The following SOBP variants were observed in gnomAD, a reference collection of about 807,000 sequenced individuals.
SOBP encodes the protein sine oculis-binding protein homolog.
A neutral mutation model predicts 53.6 loss-of-function variants in SOBP; 4 were observed. The observed-to-expected ratio is 0.07, with a 90% CI of 0.04 to 0.17. SOBP has a LOEUF of 0.17. SOBP is among the 10% of genes least tolerant of loss of function. The pLI is 1.00. For missense variants in SOBP, 1,088 were observed against 1,204.7 expected (o/e 0.90, Z 1.43); for synonymous variants, 584 against 522.6 (o/e 1.12, Z -1.60).
intron 4 of SOBP, among the ~76,000 whole-genome samples, chr6:107,576,848 C>T (rs1785239889): frequency 6.6e-6 from 1 of 152,314 alleles, no homozygotes; most frequent in East Asian, 1.9e-4. Flanking sequence ...TCTGTGGTTG[C>T]TGGTGGAAGA....
At chr6:107,605,339 G>C (rs1000785331) in intron 5 of SOBP, among the ~76,000 whole-genome samples, 1 of 152,254 alleles carries the variant, frequency 6.6e-6, no homozygotes, top group Non-Finnish European at 1.5e-5. Flanking sequence ...GGGAACCCAA[G>C]AGGTGCTGGG....
rs183750475 is a variant in SOBP at position 107,503,286 on chromosome 6, A to G, written c.97-371A>G. 2.4e-3 allele frequency among the ~76,000 whole-genome samples: 360 copies of G among 152,314 alleles called. 4 individuals carry two copies. The highest frequency in any genetic ancestry group is 8.2e-3 in the African/African-American group (339 of 41,566). On this transcript the variant is annotated intron_variant, in intron 1 of 6. Coordinates refer to ENST00000317357, the MANE Select transcript of SOBP (RefSeq NM_018013.4). ...CCACAAAAGGTTGTTTTCATTTTCA[A>G]AATCTTTTCTTAGCTGTTTTTGTGA...
At chr6:107,613,580 A>C (rs2115105446) in intron 5 of SOBP, among the ~76,000 whole-genome samples, 1 of 152,358 alleles carries the variant, frequency 6.6e-6, no homozygotes, top group African/African-American at 2.4e-5. Context: ...GGAAAAGGAG[A>C]AAGAAAAAAT....
chr6:107,616,781 G>T (rs992903281), intron 5 of SOBP, among the ~76,000 whole-genome samples: 7 of 152,168 alleles, frequency 4.6e-5, no homozygotes, highest in Non-Finnish European at 8.8e-5. Flanking sequence ...CCGAAGCAGC[G>T]GACACTCACA....
intron 6 of SOBP, among the ~76,000 whole-genome samples, chr6:107,656,352 AGAAAGAAAGAAAGAAAGT>A (rs1772061856): frequency 1.1e-4 from 4 of 35,808 alleles, no homozygotes; most frequent in Non-Finnish European, 4.0e-4. Context: ...AGAGAAAGAA[AGAAAGAAAGAAAGAAAGT>A]AAGTCAAATG....
intron 4 of SOBP, among the ~76,000 whole-genome samples, chr6:107,540,177 A>T (rs1231894751): frequency 6.6e-6 from 1 of 152,238 alleles, no homozygotes. Flanking sequence ...ACACCTTTGC[A>T]ATGTCTGGTC....
At position 107,522,962 on chromosome 6, in the gene SOBP, T is replaced by C. The variant is rs115563559; in HGVS notation, c.422-10497T>C. The stretch of plus-strand genomic sequence containing the variant: ...GGGTTTCTGCCATCAGGTAACTGGG[T>C]AGATGATAGGGCCAGGAACTGAGGT... On this transcript the variant is annotated intron_variant, in intron 3 of 6. Coordinates refer to ENST00000317357, the MANE Select transcript of SOBP (RefSeq NM_018013.4). Among the ~76,000 whole-genome samples the C allele has an allele frequency of 3.7e-3, 560 of 152,060 alleles. 6 individuals are homozygous for C. The highest frequency in any genetic ancestry group is 0.013 in the African/African-American group (530 of 41,460).
At chr6:107,550,303 G>T (rs899038232) in intron 4 of SOBP, among the ~76,000 whole-genome samples, 2 of 152,170 alleles carry the variant, frequency 1.3e-5, no homozygotes, top group African/African-American at 4.8e-5. Context: ...CTTGTCTCAG[G>T]GCTGGGTGCC....
rs377151290 is a variant in SOBP at position 107,547,014 on chromosome 6, A to G, written c.573+13404A>G. Among the ~76,000 whole-genome samples the G allele has an allele frequency of 2.8e-4, 43 of 152,356 alleles. 1 individual carries two copies. The East Asian group carries it at 6.4e-3, about 23-fold the overall frequency. Reference sequence around the variant, plus strand: ...CATCCCAGGGGTTTATATTAGGAGTAGTGTCACTTGGTAATACTGATGGCT... The same window carrying G: ...CATCCCAGGGGTTTATATTAGGAGTGGTGTCACTTGGTAATACTGATGGCT... On this transcript the variant is annotated intron_variant, in intron 4 of 6. Transcript: ENST00000317357.
intron 4 of SOBP, among the ~76,000 whole-genome samples, chr6:107,580,286 C>A (rs941827925): frequency 6.6e-6 from 1 of 152,200 alleles, no homozygotes; most frequent in Non-Finnish European, 1.5e-5. Context: ...GAGAACCATG[C>A]AACTCTCTAC....
chr6:107,524,547 AAAAGGATTGC>A, intron 3 of SOBP, among the ~76,000 whole-genome samples: 1 of 152,176 alleles, frequency 6.6e-6, no homozygotes, highest in Non-Finnish European at 1.5e-5. Flanking sequence ...GCTCTATAGG[AAAAGGATTGC>A]CTTCTCTGTA....
At chr6:107,536,415 G>T (rs1196451079) in intron 4 of SOBP, among the ~76,000 whole-genome samples, 1 of 152,198 alleles carries the variant, frequency 6.6e-6, no homozygotes, top group Non-Finnish European at 1.5e-5. Context: ...ACGCTTGGGT[G>T]TAGAGTCAGG....
intron 4 of SOBP, among the ~76,000 whole-genome samples, chr6:107,534,226 A>AT (rs957569943): frequency 6.6e-6 from 1 of 152,148 alleles, no homozygotes; most frequent in African/African-American, 2.4e-5. Flanking sequence ...CATCGTTAGA[A>AT]TTTTTTTTGG....
intron 6 of SOBP, among the ~76,000 whole-genome samples, chr6:107,645,978 G>A (rs890317226): frequency 2.6e-5 from 4 of 152,218 alleles, no homozygotes; most frequent in African/African-American, 9.6e-5. Flanking sequence ...GAAGGTGGTA[G>A]AACAGGAGTT....
intron 5 of SOBP, among the ~76,000 whole-genome samples, chr6:107,620,280 C>A (rs751552225): frequency 1.3e-5 from 2 of 152,220 alleles, no homozygotes; most frequent in Non-Finnish European, 2.9e-5. Context: ...TCTCCCCACT[C>A]TCTAATTTGT....
intron 5 of SOBP, among the ~76,000 whole-genome samples, chr6:107,619,909 C>G (rs1015518061): frequency 6.6e-6 from 1 of 152,116 alleles, no homozygotes; most frequent in South Asian, 2.1e-4. Flanking sequence ...GTCACTGCCC[C>G]TTCCTAGATT....
intron 5 of SOBP, among the ~76,000 whole-genome samples, chr6:107,619,590 G>A (rs893723946): frequency 2.0e-5 from 3 of 152,132 alleles, no homozygotes; most frequent in Middle Eastern, 3.4e-3. Flanking sequence ...TTGGTCAGTG[G>A]TAGGGTCGGT....
At chr6:107,617,744 C>T (rs1397200451) in intron 5 of SOBP, among the ~76,000 whole-genome samples, 1 of 152,012 alleles carries the variant, frequency 6.6e-6, no homozygotes, top group Non-Finnish European at 1.5e-5. Flanking sequence ...ATTTGATCAT[C>T]CCAGGGCCAA....
At chr6:107,506,177 GA>G (rs1252319489) in intron 2 of SOBP, 64 bp from the exon 3 acceptor site, 3 of 1,449,188 alleles carry the variant, frequency 2.1e-6, no homozygotes, top group Non-Finnish European at 2.9e-6. Context: ...AGAAAATAAG[GA>G]AAAATTTAAG....
Sources: gnomAD v4.1 joint callset for allele counts (sites outside exome capture counted in the v4.1 genomes callset) on GRCh38, gnomAD v4.1.1 for gene constraint, MANE v1.5 for transcripts, NCBI Gene and HGNC (gene_info 2026-07-23, HGNC 2026-07-21) for gene names.